DOCK4: variants seen among roughly 807,000 people sequenced by gnomAD.
The protein encoded by DOCK4 is dedicator of cytokinesis 4.
DOCK4 carries 97 observed loss-of-function variants against 268.1 expected under a neutral mutation model. That is an observed-to-expected ratio of 0.36 (90% confidence interval 0.31 to 0.43). The LOEUF (loss-of-function observed/expected upper bound fraction) is 0.43, where lower values mean the gene tolerates loss of function less well. Among genes scored for constraint, DOCK4 ranks in the 20% least tolerant of loss-of-function variants. The pLI is 1.00. For missense variants in DOCK4, 2,145 were observed against 2,455.7 expected (o/e 0.87, Z 2.67); for synonymous variants, 954 against 887.2 (o/e 1.08, Z -1.34).
At chr7:112,009,537 G>A (rs1168893753) in intron 1 of DOCK4, among the ~76,000 whole-genome samples, 1 of 152,156 alleles carries the variant, frequency 6.6e-6, no homozygotes, top group African/African-American at 2.4e-5. Flanking sequence ...CCATCAGAAG[G>A]CAGTGATGGA....
At chr7:112,197,657 T>A (rs1820571058) in intron 1 of DOCK4, among the ~76,000 whole-genome samples, 1 of 152,214 alleles carries the variant, frequency 6.6e-6, no homozygotes, top group Non-Finnish European at 1.5e-5. Context: ...ATTAATAAAA[T>A]GCCTCGAGAT....
intron 1 of DOCK4, among the ~76,000 whole-genome samples, chr7:112,181,601 C>T (rs960267425): frequency 2.2e-5 from 3 of 135,078 alleles, no homozygotes; most frequent in African/African-American, 8.4e-5. Flanking sequence ...AATCGTGCCA[C>T]TGCACTCCAG....
intron 1 of DOCK4, among the ~76,000 whole-genome samples, chr7:112,025,653 C>T (rs1199205286): frequency 1.3e-5 from 2 of 152,158 alleles, no homozygotes; most frequent in Non-Finnish European, 1.5e-5. Context: ...TCCTCAAGAC[C>T]AATGAAATAA....
At chr7:111,822,276 C>A in intron 27 of DOCK4, 86 bp downstream of exon 27, 5 of 1,176,032 alleles carry the variant, frequency 4.3e-6, no homozygotes, top group South Asian at 3.0e-5. Context: ...AAACTGCAAA[C>A]TTGAGATCAA....
intron 51 of DOCK4, among the ~76,000 whole-genome samples, chr7:111,734,444 C>A (rs555757757): frequency 6.6e-6 from 1 of 152,298 alleles, no homozygotes; most frequent in Admixed American, 6.5e-5. Flanking sequence ...ACCTTGGTCT[C>A]CCAAAATGCT....
At chr7:111,908,884 G>A (rs1184086931) in intron 13 of DOCK4, among the ~76,000 whole-genome samples, 1 of 152,148 alleles carries the variant, frequency 6.6e-6, no homozygotes, top group Non-Finnish European at 1.5e-5. Flanking sequence ...GGGCTGCATA[G>A]TATTCCATGG....
At chr7:111,746,293 T>A (rs1276574643) in intron 44 of DOCK4, 41 bp downstream of exon 44, 4 of 1,551,960 alleles carry the variant, frequency 2.6e-6, no homozygotes, top group South Asian at 2.3e-5. Context: ...CAAGCACATA[T>A]CCAGGCAAAA....
chr7:111,739,549 A>C (rs1795751881), intron 47 of DOCK4, 72 bp from the exon 48 acceptor site: 2 of 1,322,088 alleles, frequency 1.5e-6, no homozygotes, highest in African/African-American at 3.0e-5. Flanking sequence ...ATTTGAAACA[A>C]AATCATCAAC....
intron 15 of DOCK4, among the ~76,000 whole-genome samples, chr7:111,897,652 A>T (rs1808870713): frequency 6.6e-6 from 1 of 152,116 alleles, no homozygotes; most frequent in African/African-American, 2.4e-5. Context: ...AAATCAGCAA[A>T]TGCTACAGTT....
At chr7:112,028,702 G>A (rs943862838) in intron 1 of DOCK4, among the ~76,000 whole-genome samples, 1 of 152,226 alleles carries the variant, frequency 6.6e-6, no homozygotes, top group Non-Finnish European at 1.5e-5. Flanking sequence ...CAGCAAGACA[G>A]CAGTGCTCTG....
chr7:111,729,419 C>T (rs989004262), intron 52 of DOCK4, among the ~76,000 whole-genome samples: 2 of 152,054 alleles, frequency 1.3e-5, no homozygotes, highest in Non-Finnish European at 2.9e-5. Context: ...GTTAGCTGGG[C>T]GTGGTGGCTC....
At chr7:112,171,795 T>C (rs1818107904) in intron 1 of DOCK4, among the ~76,000 whole-genome samples, 1 of 152,232 alleles carries the variant, frequency 6.6e-6, no homozygotes. Flanking sequence ...CATAACAAAA[T>C]ACCAGACTGG....
Position 111,869,785 on chromosome 7 carries a change from T to C in DOCK4, c.2028-130A>G, listed in dbSNP as rs1806264476. On this transcript the variant is annotated intron_variant, in intron 20 of 52. Transcript: ENST00000428084. ...ATCAGTTCTCACATTTTCCTGTCAA[T>C]CTGCTGTATAATAATTTTACTAAAT... 22 of 710,134 alleles carry C rather than the reference T, an allele frequency of 3.1e-5. No homozygotes were observed. In the South Asian group the frequency reaches 3.4e-4, roughly 11 times the overall value. 44.0% of individuals were successfully genotyped at this position (710,134 alleles called of 1,614,324 possible). A position where few individuals can be genotyped will look rare whatever the true frequency, so the allele number is the denominator to read the frequency against.
intron 36 of DOCK4, among the ~76,000 whole-genome samples, chr7:111,777,707 G>T (rs1366547782): frequency 6.6e-6 from 1 of 152,124 alleles, no homozygotes; most frequent in African/African-American, 2.4e-5. Flanking sequence ...GGGACAAGGT[G>T]GGAGGTAATT....
At chr7:112,144,228 C>A (rs1369407925) in intron 1 of DOCK4, among the ~76,000 whole-genome samples, 1 of 152,060 alleles carries the variant, frequency 6.6e-6, no homozygotes, top group African/African-American at 2.4e-5. Context: ...CCAGTAAGAA[C>A]CATCTCAGTA....
chr7:111,917,361 G>A (rs1467558344), intron 12 of DOCK4, among the ~76,000 whole-genome samples: 1 of 152,034 alleles, frequency 6.6e-6, no homozygotes, highest in East Asian at 1.9e-4. Flanking sequence ...AATGAAACCA[G>A]TCAAAGGTGA....
intron 11 of DOCK4, among the ~76,000 whole-genome samples, 167 bp from the exon 12 acceptor site, chr7:111,935,795 G>A (rs1283755870): frequency 6.6e-6 from 1 of 152,300 alleles, no homozygotes; most frequent in African/African-American, 2.4e-5. Context: ...GTCCCAGGAT[G>A]AGCAAGAATG....
chr7:111,945,833 T>G (rs1373022551), intron 8 of DOCK4, 35 bp from the exon 9 acceptor site: 2 of 1,481,556 alleles, frequency 1.3e-6, no homozygotes, highest in Non-Finnish European at 1.8e-6. Context: ...ATTTGAAAAT[T>G]ATTTAATAGT....
intron 23 of DOCK4, among the ~76,000 whole-genome samples, chr7:111,852,311 C>A (rs933751030): frequency 6.6e-6 from 1 of 152,072 alleles, no homozygotes; most frequent in African/African-American, 2.4e-5. Flanking sequence ...ACCAAAATAA[C>A]CAGGTCTGGC....
Sources: allele counts gnomAD v4.1 joint callset (sites outside exome capture counted in the v4.1 genomes callset), GRCh38; gene constraint gnomAD v4.1.1; transcripts MANE v1.5; gene names NCBI Gene and HGNC (gene_info 2026-07-23, HGNC 2026-07-21).